The following RBBP6 variants were observed in gnomAD, a reference collection of about 807,000 sequenced individuals.
RBBP6 encodes the protein RB binding protein 6, ubiquitin ligase.
RBBP6 carries 25 observed loss-of-function variants against 167.7 expected under a neutral mutation model. The observed-to-expected ratio is 0.15, with a 90% CI of 0.11 to 0.21. The LOEUF (loss-of-function observed/expected upper bound fraction) is 0.21, where lower values mean the gene tolerates loss of function less well. Ranked by LOEUF, RBBP6 falls within the 10% of genes least tolerant of loss-of-function variation. RBBP6 has a pLI of 1.00. For missense variants in RBBP6, 1,868 were observed against 2,134.2 expected, an observed-to-expected ratio of 0.88 and a Z score of 2.46; for synonymous variants, 789 against 735.8, an observed-to-expected ratio of 1.07 and a Z score of -1.17.
At chr16:24,546,086 A>T in intron 1 of RBBP6, 77 bp from the exon 2 acceptor site, 1 of 1,468,356 alleles carries the variant, frequency 6.8e-7, no homozygotes. Context: ...CATGAAATTT[A>T]TATTTGAAGT....
intron 11 of RBBP6, 53 bp from the exon 12 acceptor site, chr16:24,563,370 C>CTTTTTTTTTTTTTT: frequency 7.6e-7 from 1 of 1,308,074 alleles, no homozygotes; most frequent in Non-Finnish European, 1.0e-6. Flanking sequence ...GTTCTTACCT[C>CTTTTTTTTTTTTTT]TTTTTTTTTT....
Position 24,571,955 on chromosome 16 carries a change from G to A in RBBP6, c.4889G>A (p.Arg1630Lys), listed in dbSNP as rs1418968123. ...HSSRLSSDLT[R>K]ETDEAAFEPD... ...TCTAGACTTTCCTCTGACTTAACTA[G>A]AGAAACTGATGAAGCTGCTTTTGAA... is the stretch of plus-strand genomic sequence containing the variant. The change falls in exon 18 of 18, where the codon AGA becomes AAA. Residue 1630 changes from arginine to lysine, a missense_variant. Arg to Lys is a conservative substitution (Grantham distance 26). Transcript: ENST00000319715. 1 of 1,613,826 alleles carries A rather than the reference G, an allele frequency of 6.2e-7. No individual in the cohort carries two copies. Among genetic ancestry groups the A allele is most frequent in the Non-Finnish European group, 8.5e-7 (1 of 1,179,954 alleles).
At chr16:24,562,238 T>G in intron 10 of RBBP6, 77 bp downstream of exon 10, 1 of 1,358,790 alleles carries the variant, frequency 7.4e-7, no homozygotes, top group African/African-American at 1.4e-5. Context: ...TTATCACTTT[T>G]AACAGCTTTC....
Position 24,555,809 on chromosome 16 carries a change from TC to T in RBBP6, c.438-7del. 6.3e-7 allele frequency: 1 copy of T among 1,596,262 alleles called. No homozygotes were observed. The highest frequency in any genetic ancestry group is 8.6e-7 in the Non-Finnish European group (1 of 1,164,000). ...GTCCTCGTATACATGTAATTTTTTT[TC>T]CCCCTTTTAGTTACATGAAGAAACC... On this transcript the variant is annotated splice_polypyrimidine_tract_variant and intron_variant, in intron 5 of 17. Transcript: ENST00000319715.
chr16:24,570,322 T>C lies in RBBP6; in HGVS notation c.3632T>C (p.Leu1211Pro). 4 of 1,610,464 alleles carry C rather than the reference T, an allele frequency of 2.5e-6. No individual in the cohort carries two copies. The highest frequency in any genetic ancestry group is 3.4e-6 in the Non-Finnish European group (4 of 1,179,282). Residue 1211 changes from leucine to proline, a missense_variant, in exon 17 of 18, where the codon CTC (leucine) becomes CCC (proline). Leu to Pro is a moderately conservative substitution (Grantham distance 98). This residue lies in a region of RBBP6 where 673 missense variants were observed against 691.5 expected (regional missense o/e 0.97). Coordinates refer to ENST00000319715, the MANE Select transcript of RBBP6 (RefSeq NM_006910.5). Reference protein sequence around the residue: ...SLSAPAKKIKLNRETGKKIGS... With the variant: ...SLSAPAKKIKPNRETGKKIGS... Reference sequence around the variant, plus strand: ...AGTGCGCCAGCCAAAAAAATCAAACTCAACAGAGAAACTGGGAAGAAAATT... The same window carrying C: ...AGTGCGCCAGCCAAAAAAATCAAACCCAACAGAGAAACTGGGAAGAAAATT...
In RBBP6 at chr16:24,555,805, T is replaced by G. The variant is rs761239197; in HGVS notation, c.438-16T>G. 1.9e-6 allele frequency: 3 copies of G among 1,592,848 alleles called. No homozygotes were observed. Among genetic ancestry groups the G allele is most frequent in the East Asian group, 4.5e-5 (2 of 44,780 alleles). On this transcript the variant is annotated splice_polypyrimidine_tract_variant and intron_variant, in intron 5 of 17. Transcript: ENST00000319715. The stretch of plus-strand genomic sequence containing the variant: ...CAAAGTCCTCGTATACATGTAATTT[T>G]TTTTCCCCCTTTTAGTTACATGAAG...
chr16:24,555,752 TC>T (rs745542028), intron 5 of RBBP6, 49 bp downstream of exon 5: 1 of 1,581,928 alleles, frequency 6.3e-7, no homozygotes, highest in Non-Finnish European at 8.7e-7. Context: ...GGGTGGGTTT[TC>T]CCCCCCAATC....
intron 10 of RBBP6, 141 bp downstream of exon 10, chr16:24,562,302 T>C (rs887564529): frequency 7.4e-6 from 6 of 811,716 alleles, no homozygotes; most frequent in African/African-American, 3.5e-5. Context: ...AGTGACTTAG[T>C]CTTATTGGGG....
intron 2 of RBBP6, among the ~76,000 whole-genome samples, chr16:24,548,217 ACAT>A (rs894281614): frequency 5.9e-5 from 9 of 151,784 alleles, no homozygotes; most frequent in African/African-American, 2.2e-4. Context: ...TGTCTTTTAA[ACAT>A]CAAATTGTCC....
At chr16:24,558,390 T>C (rs1461869342) in intron 7 of RBBP6, 27 of 788,590 alleles carry the variant, frequency 3.4e-5, no homozygotes, top group Non-Finnish European at 4.0e-5. Flanking sequence ...TTTTCTTTTT[T>C]TTTTTTTTCT....
At chr16:24,550,200 T>C (rs1898761671) in intron 3 of RBBP6, among the ~76,000 whole-genome samples, 2 of 152,034 alleles carry the variant, frequency 1.3e-5, no homozygotes, top group East Asian at 3.9e-4. Flanking sequence ...CCTTGGATCA[T>C]TGGATCTTAA....
intron 4 of RBBP6, chr16:24,555,375 C>T (rs1046084033): frequency 2.6e-6 from 1 of 387,410 alleles, no homozygotes; most frequent in Non-Finnish European, 4.7e-6. Context: ...ATGTAAGGTA[C>T]AAACAGGGTC....
chr16:24,559,780 G>A, intron 8 of RBBP6, 103 bp downstream of exon 8: 1 of 1,073,544 alleles, frequency 9.3e-7, no homozygotes, highest in Non-Finnish European at 1.3e-6. Flanking sequence ...AATAAATAAT[G>A]TTGATGACAA....
chr16:24,545,301 T>TGG (rs1478258909), intron 1 of RBBP6, among the ~76,000 whole-genome samples: 1 of 152,150 alleles, frequency 6.6e-6, no homozygotes, highest in East Asian at 1.9e-4. Flanking sequence ...CTTAATCTCC[T>TGG]GACCTCGTGA....
Position 24,570,299 on chromosome 16 carries a change from T to C in RBBP6, c.3609T>C (p.Ser1203=), listed in dbSNP as rs1899295101. 6 of 1,609,598 alleles carry C rather than the reference T, an allele frequency of 3.7e-6. No individual in the cohort carries two copies. Among genetic ancestry groups the C allele is most frequent in the Non-Finnish European group, 5.1e-6 (6 of 1,179,068 alleles). ...CTGAAAAGGACAAAATTTCTTTAAG[T>C]GCGCCAGCCAAAAAAATCAAACTCA... is the stretch of plus-strand genomic sequence containing the variant. The part of the protein sequence containing the change: ...RTPEKDKISL[S]APAKKIKLNR... The change falls in exon 17 of 18, where the codon AGT becomes AGC. Residue 1203 remains serine, a synonymous_variant. Coordinates refer to ENST00000319715, the MANE Select transcript of RBBP6 (RefSeq NM_006910.5).
At position 24,561,910 on chromosome 16, in the gene RBBP6, G is replaced by T. The variant is rs747859597; in HGVS notation, c.1038G>T (p.Pro346=). The T allele has an allele frequency of 6.2e-7, 1 of 1,613,384 alleles. No homozygotes were observed. The highest frequency in any genetic ancestry group is 1.1e-5 in the South Asian group (1 of 91,018). The change falls in exon 10 of 18, where the codon CCG becomes CCT. Residue 346 remains proline, a synonymous_variant. Transcript: ENST00000319715. ...CTCCACCACCCCCAATACCACCTCC[G>T]AGACCACTGATTCAGAGGAACCTAC... ...LPPPPPPIPP[P]RPLIQRNLQP...
chr16:24,549,109 T>A (rs1898736484), intron 3 of RBBP6, 128 bp downstream of exon 3: 9 of 1,514,670 alleles, frequency 5.9e-6, no homozygotes, highest in African/African-American at 1.4e-5. Flanking sequence ...TAAAATGTAT[T>A]TTGATGACAG....
chr16:24,542,089 C>T (rs1898513896), intron 1 of RBBP6, among the ~76,000 whole-genome samples: 1 of 152,116 alleles, frequency 6.6e-6, no homozygotes, highest in Non-Finnish European at 1.5e-5. Flanking sequence ...TGTCTGCTTC[C>T]CCACCTTTTA....
Position 24,555,674 on chromosome 16 carries a change from G to T in RBBP6, c.408G>T (p.Ser136=), listed in dbSNP as rs559784053. 15 of 1,613,450 alleles carry T rather than the reference G, an allele frequency of 9.3e-6. No individual in the cohort carries two copies. The highest frequency in any genetic ancestry group is 1.3e-5 in the Non-Finnish European group (15 of 1,179,766). ...SEEDKIKAMM[S]QSGHEYDPIN... is the part of the protein sequence containing the mutation. ...AAGATAAAATTAAAGCAATGATGTCGCAATCTGGCCATGAATACGACCCAA... is the reference window on the plus strand; with the variant it reads ...AAGATAAAATTAAAGCAATGATGTCTCAATCTGGCCATGAATACGACCCAA... Residue 136 remains serine, a synonymous_variant, in exon 5 of 18, where the codon TCG becomes TCT. Transcript: ENST00000319715.
Sources: allele counts gnomAD v4.1 joint callset (sites outside exome capture counted in the v4.1 genomes callset), GRCh38; gene constraint gnomAD v4.1.1; regional missense constraint gnomAD v4.1.1; transcripts MANE v1.5; gene names NCBI Gene and HGNC (gene_info 2026-07-23, HGNC 2026-07-21).